Variants in LGR5 observed in about 807,000 individuals in gnomAD.
LGR5 encodes leucine rich repeat containing G protein-coupled receptor 5, also known as leucine-rich repeat-containing G protein-coupled receptor 5.
LGR5 carries 54 observed loss-of-function variants against 76.7 expected under a neutral mutation model. The ratio of observed to expected loss-of-function variants is 0.70; its 90% CI spans 0.57 to 0.88. The LOEUF (loss-of-function observed/expected upper bound fraction) is 0.88. Ranked by LOEUF, LGR5 falls within the 40% of genes least tolerant of loss-of-function variation. LGR5 has a pLI of 0.00. For missense variants in LGR5, 1,078 were observed against 1,073.3 expected, an observed-to-expected ratio of 1.00 and a Z score of -0.06; for synonymous variants, 406 against 421.9, an observed-to-expected ratio of 0.96 and a Z score of 0.46.
rs1024965704 is a variant in LGR5 at position 71,480,760 on chromosome 12, T to G, written c.213-23854T>G. Among the ~76,000 whole-genome samples the G allele has an allele frequency of 2.0e-5, 3 of 152,192 alleles. No individual in the cohort carries two copies. In the South Asian group the frequency reaches 6.2e-4, roughly 31 times the overall value. Reference sequence around the variant, plus strand: ...CTTCAACCAACAGCTGATGAGATCCTTTCAAGTATCAGATGCTGCACTAAG... The same window carrying G: ...CTTCAACCAACAGCTGATGAGATCCGTTCAAGTATCAGATGCTGCACTAAG... On this transcript the variant is annotated intron_variant, in intron 1 of 17. Coordinates refer to ENST00000266674, the MANE Select transcript of LGR5 (RefSeq NM_003667.4).
chr12:71,524,057 G>T (rs534376469), intron 2 of LGR5, among the ~76,000 whole-genome samples: 1 of 152,110 alleles, frequency 6.6e-6, no homozygotes, highest in Non-Finnish European at 1.5e-5. Context: ...TGTAAAACTC[G>T]TGACAGTCAC....
At chr12:71,542,831 G>C (rs1298467) in intron 4 of LGR5, among the ~76,000 whole-genome samples, 27,622 of 151,560 alleles carry the variant, frequency 0.18, 2,956 homozygotes, top group Admixed American at 0.29. Context: ...CAACTAAGTA[G>C]AGATGTCACA....
intron 2 of LGR5, among the ~76,000 whole-genome samples, chr12:71,505,541 A>G (rs1874811539): frequency 6.6e-6 from 1 of 152,178 alleles, no homozygotes; most frequent in African/African-American, 2.4e-5. Flanking sequence ...TTTTCTTTAT[A>G]AATCCTGAAG....
At chr12:71,535,056 T>G in intron 3 of LGR5, 59 bp from the exon 4 acceptor site, 71 of 1,144,790 alleles carry the variant, frequency 6.2e-5, no homozygotes, top group Non-Finnish European at 7.9e-5. Flanking sequence ...CCTGGCCTTG[T>G]TTAGGCCTGT....
chr12:71,447,925 C>T (rs995126368), intron 1 of LGR5, among the ~76,000 whole-genome samples: 1 of 152,178 alleles, frequency 6.6e-6, no homozygotes, highest in Non-Finnish European at 1.5e-5. Flanking sequence ...GCCTGCCAGG[C>T]GAAATTAAGC....
intron 1 of LGR5, chr12:71,448,934 A>G (rs1452157655): frequency 6.6e-6 from 1 of 152,214 alleles, no homozygotes; most frequent in Non-Finnish European, 1.5e-5. Flanking sequence ...TCATTGTTAC[A>G]GTGTTAACTG....
At chr12:71,494,937 G>A (rs1208090984) in intron 1 of LGR5, among the ~76,000 whole-genome samples, 3 of 151,098 alleles carry the variant, frequency 2.0e-5, no homozygotes, top group African/African-American at 7.4e-5. Flanking sequence ...GACACAAATT[G>A]TGGAGCTTGA....
intron 2 of LGR5, among the ~76,000 whole-genome samples, chr12:71,521,111 A>G (rs973205303): frequency 2.0e-5 from 3 of 152,226 alleles, no homozygotes; most frequent in African/African-American, 2.4e-5. Context: ...AGGTGCACCA[A>G]TTGCAAGCTA....
chr12:71,550,976 T>A (rs550445935), intron 4 of LGR5, among the ~76,000 whole-genome samples: 1 of 152,326 alleles, frequency 6.6e-6, no homozygotes, highest in East Asian at 1.9e-4. Context: ...CCAGGCACAT[T>A]GTTGCTAGAG....
chr12:71,525,855 C>T (rs950799405), intron 3 of LGR5, among the ~76,000 whole-genome samples: 1 of 150,486 alleles, frequency 6.6e-6, no homozygotes, highest in Non-Finnish European at 1.5e-5. Context: ...AATTTTAAAT[C>T]CTTGAATTCT....
chr12:71,538,678 G>A (rs971039522), intron 4 of LGR5, among the ~76,000 whole-genome samples: 1 of 152,054 alleles, frequency 6.6e-6, no homozygotes, highest in Non-Finnish European at 1.5e-5. Flanking sequence ...GTGAGATGCT[G>A]TCTCTAAAAA....
intron 1 of LGR5, among the ~76,000 whole-genome samples, chr12:71,452,970 T>A (rs1003115269): frequency 2.6e-5 from 4 of 152,246 alleles, no homozygotes; most frequent in East Asian, 1.9e-4. Context: ...ACTAAACTCA[T>A]GCTTTTCAAG....
At chr12:71,445,909 A>G (rs1026761357) in intron 1 of LGR5, among the ~76,000 whole-genome samples, 5 of 152,150 alleles carry the variant, frequency 3.3e-5, no homozygotes, top group African/African-American at 1.2e-4. Flanking sequence ...ATTTACTTGG[A>G]GAGTATGCAA....
At chr12:71,499,766 C>T (rs923341545) in intron 1 of LGR5, among the ~76,000 whole-genome samples, 6 of 152,206 alleles carry the variant, frequency 3.9e-5, no homozygotes, top group Middle Eastern at 3.4e-3. Context: ...AATTCTTCAG[C>T]CCCTCAAGAG....
intron 4 of LGR5, among the ~76,000 whole-genome samples, chr12:71,548,874 A>G (rs968909205): frequency 2.0e-5 from 3 of 152,132 alleles, no homozygotes; most frequent in African/African-American, 7.2e-5. Flanking sequence ...ACAAAATGGA[A>G]ATAACAAAGA....
intron 1 of LGR5, among the ~76,000 whole-genome samples, chr12:71,466,845 T>C (rs1008729107): frequency 2.6e-5 from 4 of 152,172 alleles, no homozygotes; most frequent in African/African-American, 9.7e-5. Context: ...CTATTGATTT[T>C]GTGAAATTGG....
At chr12:71,446,502 C>T (rs1480344141) in intron 1 of LGR5, among the ~76,000 whole-genome samples, 2 of 152,106 alleles carry the variant, frequency 1.3e-5, no homozygotes, top group Non-Finnish European at 2.9e-5. Flanking sequence ...CAACTTGTGA[C>T]GTTAGGAATG....
intron 4 of LGR5, among the ~76,000 whole-genome samples, chr12:71,543,227 C>A (rs1876976014): frequency 6.6e-6 from 1 of 152,218 alleles, no homozygotes; most frequent in African/African-American, 2.4e-5. Context: ...TCATTCATCT[C>A]CCTGGCTCCA....
intron 2 of LGR5, among the ~76,000 whole-genome samples, chr12:71,517,295 T>C (rs948308345): frequency 6.6e-6 from 1 of 152,204 alleles, no homozygotes; most frequent in Non-Finnish European, 1.5e-5. Flanking sequence ...AAACAGCCAA[T>C]AGCAGATCAT....
Sources: allele counts gnomAD v4.1 joint callset (sites outside exome capture counted in the v4.1 genomes callset), GRCh38; gene constraint gnomAD v4.1.1; transcripts MANE v1.5; gene names NCBI Gene and HGNC (gene_info 2026-07-23, HGNC 2026-07-21).